The following CLEC4M variants were observed in gnomAD, a reference collection of about 807,000 sequenced individuals.
The protein encoded by CLEC4M is CD209 antigen-like protein 1.
In CLEC4M, 25 loss-of-function variants were observed where a neutral mutation model predicts 39.1. The ratio of observed to expected loss-of-function variants is 0.64; its 90% confidence interval spans 0.47 to 0.89. The LOEUF (loss-of-function observed/expected upper bound fraction) is 0.89, where lower values mean the gene tolerates loss of function less well. Among genes scored for constraint, CLEC4M ranks in the 40% least tolerant of loss-of-function variants. The pLI, the probability that CLEC4M is intolerant of heterozygous loss-of-function variation, is 0.00. For missense variants in CLEC4M, 353 were observed against 431.4 expected, an observed-to-expected ratio of 0.82 and a Z score of 1.61; for synonymous variants, 155 against 177.4, an observed-to-expected ratio of 0.87 and a Z score of 1.00.
Position 7,766,491 on chromosome 19 carries a change from A to T in CLEC4M, c.785-165A>T. On this transcript the variant is annotated intron_variant, in intron 4 of 6. Coordinates refer to ENST00000327325, the MANE Select transcript of CLEC4M (RefSeq NM_014257.5). ...CTGGGTTCTCCTGGGGATCAGGGAG[A>T]GTCTTGGGAAGTAGGGAGAGGAATG... is the stretch of plus-strand genomic sequence containing the variant. The T allele has an allele frequency of 4.1e-6, 6 of 1,471,730 alleles. No homozygotes were observed. In the South Asian group the frequency reaches 7.2e-5, roughly 18 times the overall value. 91.2% of individuals were successfully genotyped at this position (1,471,730 alleles called of 1,614,324 possible).
In CLEC4M at chr19:7,766,756, C is replaced by G. The variant is rs1245542161; in HGVS notation, c.885C>G (p.Ala295=). 1.1e-5 allele frequency: 17 copies of G among 1,614,120 alleles called. No homozygotes were observed. The highest frequency in any genetic ancestry group is 4.0e-5 in the African/African-American group (3 of 74,944). Residue 295 remains alanine, a synonymous_variant, in exon 5 of 7, where the codon GCC becomes GCG. Transcript: ENST00000327325. ...GGAACTGGCACGACTCCGTCACCGC[C>G]TGCCAGGAAGTGAGGGCCCAGCTCG... ...SQRNWHDSVT[A]CQEVRAQLVV...
chr19:7,765,472 C>G, intron 3 of CLEC4M, 166 bp from the exon 4 acceptor site: 1 of 1,274,710 alleles, frequency 7.8e-7, no homozygotes, highest in Non-Finnish European at 1.1e-6. Context: ...GAACCTGGCT[C>G]TCCTTGGCCT....
At chr19:7,768,783 G>A (rs2146365215) in intron 6 of CLEC4M, 55 bp from the exon 7 acceptor site, 1 of 1,591,586 alleles carries the variant, frequency 6.3e-7, no homozygotes, top group Admixed American at 1.7e-5. Context: ...GAAGGTAGGA[G>A]TGTGGCTCAT....
chr19:7,765,269 G>A lies in CLEC4M; in HGVS notation c.214+1G>A, dbSNP rs760344022. 29 of 1,614,128 alleles carry A rather than the reference G, an allele frequency of 1.8e-5. No individual in the cohort carries two copies. Among genetic ancestry groups the A allele is most frequent in the Non-Finnish European group, 4.2e-6 (5 of 1,179,992 alleles). On this transcript the variant is annotated splice_donor_variant, in intron 3 of 6. Transcript: ENST00000327325. LOFTEE classifies it high-confidence loss of function. ...GTCCTGGTGGCCATCCTTGTCCAAG[G>A]TCAGGGGCAGGTTCTGAGGGTCTGG...
rs376040272 is a variant in CLEC4M, at chr19:7,766,793, A to C, written c.922A>C (p.Thr308Pro). The change falls in exon 5 of 7, where the codon ACT becomes CCT. Residue 308 changes from threonine to proline, a missense_variant. Thr to Pro is a conservative substitution (Grantham distance 38). This residue lies in a region of CLEC4M where 196 missense variants were observed against 211.7 expected (regional missense o/e 0.93). Coordinates refer to ENST00000327325, the MANE Select transcript of CLEC4M (RefSeq NM_014257.5). ...GAGGGCCCAGCTCGTCGTAATCAAA[A>C]CTGCTGAGGAGCAGGTACACGTGGT... ...EVRAQLVVIK[T>P]AEEQNFLQLQ... The C allele has an allele frequency of 6.2e-7, 1 of 1,614,208 alleles. No homozygotes were observed.
Position 7,763,390 on chromosome 19 carries a change from CAGA to C in CLEC4M, c.51_53del (p.Glu17del). The stretch of plus-strand genomic sequence containing the variant: ...GGCTCTGAGCTGATGTCTGTCAATT[CAGA>C]AGAAGATCCAACAACCAGTGGCATC... On this transcript the variant is annotated splice_acceptor_variant and coding_sequence_variant, in exon 2 of 7. Transcript: ENST00000327325. LOFTEE classifies it high-confidence loss of function. 1 of 1,613,986 alleles carries C rather than the reference CAGA, an allele frequency of 6.2e-7. No individual in the cohort carries two copies. Among genetic ancestry groups the C allele is most frequent in the Non-Finnish European group, 8.5e-7 (1 of 1,179,932 alleles).
chr19:7,766,948 T>A, intron 5 of CLEC4M, 141 bp downstream of exon 5: 1 of 1,410,284 alleles, frequency 7.1e-7, no homozygotes, highest in Non-Finnish European at 9.5e-7. Context: ...AATGAAGGGG[T>A]CCCAGGTACC....
intron 5 of CLEC4M, chr19:7,767,097 C>T (rs755137718): frequency 1.8e-5 from 9 of 491,596 alleles, no homozygotes; most frequent in Non-Finnish European, 3.3e-5. Context: ...GTTGTGTTTG[C>T]CAATTTCCCC....
intron 6 of CLEC4M, chr19:7,767,886 T>G: frequency 2.8e-6 from 1 of 356,962 alleles, no homozygotes; most frequent in South Asian, 5.2e-5. Flanking sequence ...TAATAGGAAG[T>G]CTGAAGTCTA....
rs371715181 is a variant in CLEC4M, at chr19:7,765,796, G to A, written c.373G>A (p.Glu125Lys). ...ELTQLKAAVGELPEKSKLQEI... is the reference protein window; with the variant it reads ...ELTQLKAAVGKLPEKSKLQEI... ...GACCCAGCTGAAGGCTGCAGTGGGT[G>A]AGTTGCCAGAGAAATCCAAGCTGCA... is the stretch of plus-strand genomic sequence containing the variant. Residue 125 changes from glutamate to lysine, a missense_variant, in exon 4 of 7, where the codon GAG (glutamate) becomes AAG (lysine). Glu to Lys is a moderately conservative substitution (Grantham distance 56). Transcript: ENST00000327325. 4 of 1,612,086 alleles carry A rather than the reference G, an allele frequency of 2.5e-6. No homozygotes were observed. In the African/African-American group the frequency reaches 4.0e-5, roughly 16 times the overall value.
chr19:7,765,818 T>C lies in CLEC4M; in HGVS notation c.395T>C (p.Leu132Pro), dbSNP rs535310245. The C allele has an allele frequency of 1.6e-5, 25 of 1,576,828 alleles. No individual in the cohort carries two copies. In the South Asian group the frequency reaches 2.5e-4, roughly 15 times the overall value. Reference sequence around the variant, plus strand: ...GGTGAGTTGCCAGAGAAATCCAAGCTGCAGGAGATCTACCAGGAGCTGACC... The same window carrying C: ...GGTGAGTTGCCAGAGAAATCCAAGCCGCAGGAGATCTACCAGGAGCTGACC... ...AVGELPEKSKLQEIYQELTRL... is the reference protein window; with the variant it reads ...AVGELPEKSKPQEIYQELTRL... The change falls in exon 4 of 7, where the codon CTG becomes CCG. Residue 132 changes from leucine to proline, a missense_variant. By Grantham distance (98) the Leu-to-Pro change is moderately conservative (BLOSUM62 -3). Coordinates refer to ENST00000327325, the MANE Select transcript of CLEC4M (RefSeq NM_014257.5).
intron 2 of CLEC4M, 65 bp downstream of exon 2, chr19:7,763,541 G>A (rs1599501068): frequency 2.2e-6 from 3 of 1,388,880 alleles, no homozygotes; most frequent in Non-Finnish European, 3.0e-6. Context: ...GTCCTGGGGA[G>A]GTAGGTGTTG....
chr19:7,765,208 G>T lies in CLEC4M; in HGVS notation c.154G>T (p.Val52Leu). 1.2e-6 allele frequency: 2 copies of T among 1,614,164 alleles called. No homozygotes were observed. Among genetic ancestry groups the T allele is most frequent in the Non-Finnish European group, 1.7e-6 (2 of 1,180,002 alleles). The change falls in exon 3 of 7, where the codon GTG (valine) becomes TTG (leucine). Residue 52 changes from valine to leucine, a missense_variant. Coordinates refer to ENST00000327325, the MANE Select transcript of CLEC4M (RefSeq NM_014257.5). ...AGGGTGTCTTGGCCATGGCGCCCTG[G>T]TGCTGCAACTCCTCTCCTTCATGCT... ...STGCLGHGAL[V>L]LQLLSFMLLA...
At chr19:7,764,633 C>G (rs193111495) in intron 2 of CLEC4M, among the ~76,000 whole-genome samples, 3 of 151,928 alleles carry the variant, frequency 2.0e-5, no homozygotes, top group Non-Finnish European at 2.9e-5. Flanking sequence ...GGACTACAGG[C>G]GCCCACCACC....
intron 2 of CLEC4M, 45 bp from the exon 3 acceptor site, chr19:7,765,140 C>T (rs1260645365): frequency 1.2e-6 from 2 of 1,603,764 alleles, no homozygotes; most frequent in Non-Finnish European, 1.7e-6. Flanking sequence ...CTGGGCCAGG[C>T]TCAGGTGGGA....
At chr19:7,764,594 T>G (rs2034162926) in intron 2 of CLEC4M, among the ~76,000 whole-genome samples, 1 of 152,126 alleles carries the variant, frequency 6.6e-6, no homozygotes, top group African/African-American at 2.4e-5. Context: ...GTTCATGCCA[T>G]TCTCTTGCCT....
At chr19:7,768,603 C>A in intron 6 of CLEC4M, 1 of 385,462 alleles carries the variant, frequency 2.6e-6, no homozygotes, top group Non-Finnish European at 4.7e-6. Flanking sequence ...AAGAAAAGAA[C>A]AAAGGATAAA....
Position 7,765,222 on chromosome 19 carries a change from C to A in CLEC4M, c.168C>A (p.Leu56=), listed in dbSNP as rs781154601. 7.4e-6 allele frequency: 12 copies of A among 1,614,012 alleles called. No individual in the cohort carries two copies. In the Middle Eastern group the frequency reaches 9.9e-4, roughly 133 times the overall value. Residue 56 remains leucine (L), a synonymous_variant, in exon 3 of 7, where the codon CTC becomes CTA. Coordinates refer to ENST00000327325, the MANE Select transcript of CLEC4M (RefSeq NM_014257.5). The part of the protein sequence containing the change: ...LGHGALVLQL[L]SFMLLAGVLV... ...ATGGCGCCCTGGTGCTGCAACTCCT[C>A]TCCTTCATGCTCTTGGCTGGGGTCC...
At position 7,766,650 on chromosome 19, in the gene CLEC4M, C is replaced by G. The variant is rs2034287256; in HGVS notation, c.785-6C>G. On this transcript the variant is annotated splice_polypyrimidine_tract_variant and splice_region_variant and intron_variant, in intron 4 of 6. Transcript: ENST00000327325. Reference sequence around the variant, plus strand: ...GAGCCCAGCCCTGACCAGCCTCCCCCAACAGAACGCCTGTGCCGCCACTGT... The same window carrying G: ...GAGCCCAGCCCTGACCAGCCTCCCCGAACAGAACGCCTGTGCCGCCACTGT... 1.9e-6 allele frequency: 3 copies of G among 1,614,230 alleles called. No homozygotes were observed. In the East Asian group the frequency reaches 6.7e-5, roughly 36 times the overall value.
Sources: gnomAD v4.1 joint callset for allele counts (sites outside exome capture counted in the v4.1 genomes callset) on GRCh38, gnomAD v4.1.1 for gene constraint, gnomAD v4.1.1 regional missense constraint, MANE v1.5 for transcripts, NCBI Gene and HGNC (gene_info 2026-07-23, HGNC 2026-07-21) for gene names.